SDK1: variants seen among roughly 807,000 people sequenced by gnomAD.
SDK1 encodes protein sidekick-1.
In SDK1, 157 loss-of-function variants were observed where a neutral mutation model predicts 245.5. The observed-to-expected ratio is 0.64, with a 90% confidence interval of 0.56 to 0.73. The LOEUF is 0.73. Ranked by LOEUF, SDK1 falls within the 30% of genes least tolerant of loss-of-function variation. The pLI is 0.00. For synonymous variants in SDK1, 1,647 were observed against 1,278.5 expected (o/e 1.29, Z -6.15); for missense variants, 3,583 against 3,002.3 (o/e 1.19, Z -4.52).
At chr7:3,398,407 G>A (rs1489698157) in intron 1 of SDK1, among the ~76,000 whole-genome samples, 1 of 151,958 alleles carries the variant, frequency 6.6e-6, no homozygotes, top group Non-Finnish European at 1.5e-5. Context: ...CTTCAGAAGA[G>A]TTTCTTAGCA....
At chr7:3,480,185 A>G (rs1192274518) in intron 1 of SDK1, among the ~76,000 whole-genome samples, 2 of 152,214 alleles carry the variant, frequency 1.3e-5, no homozygotes. Flanking sequence ...AATGTGAAAG[A>G]AGTAGGCAGA....
chr7:3,594,336 G>T (rs759421732), intron 1 of SDK1, among the ~76,000 whole-genome samples: 7 of 152,124 alleles, frequency 4.6e-5, no homozygotes, highest in Non-Finnish European at 1.0e-4. Context: ...ACCACATATT[G>T]CTTATCCATT....
chr7:3,532,370 T>C (rs1033146740), intron 1 of SDK1, among the ~76,000 whole-genome samples: 4 of 152,198 alleles, frequency 2.6e-5, no homozygotes, highest in Non-Finnish European at 4.4e-5. Context: ...GGCATTCACA[T>C]CTTCCCACTT....
At chr7:3,426,919 A>G (rs1053291861) in intron 1 of SDK1, among the ~76,000 whole-genome samples, 1 of 152,244 alleles carries the variant, frequency 6.6e-6, no homozygotes, top group Non-Finnish European at 1.5e-5. Context: ...CATTAAAGGC[A>G]TGCAGAGTTC....
intron 1 of SDK1, among the ~76,000 whole-genome samples, chr7:3,555,605 G>A (rs1779563891): frequency 1.3e-5 from 2 of 152,094 alleles, no homozygotes; most frequent in East Asian, 3.8e-4. Context: ...CTTCTGCACA[G>A]CAAAGGAAAA....
At chr7:3,914,815 C>A (rs1180569237) in intron 5 of SDK1, among the ~76,000 whole-genome samples, 1 of 152,160 alleles carries the variant, frequency 6.6e-6, no homozygotes, top group Admixed American at 6.5e-5. Flanking sequence ...GGTCAATTTG[C>A]TTGCTTTTTT....
At chr7:3,912,501 G>T (rs530846348) in intron 5 of SDK1, among the ~76,000 whole-genome samples, 1 of 152,346 alleles carries the variant, frequency 6.6e-6, no homozygotes, top group Non-Finnish European at 1.5e-5. Context: ...AGAAAGGCCA[G>T]TGAGAGGCTT....
intron 31 of SDK1, 68 bp from the exon 32 acceptor site, chr7:4,161,718 G>A (rs1209805197): frequency 3.0e-5 from 39 of 1,281,586 alleles, no homozygotes; most frequent in Non-Finnish European, 4.2e-5. Context: ...CACTGAGGGT[G>A]GCCCTGGGAA....
chr7:3,984,320 A>G (rs908149109), intron 13 of SDK1, among the ~76,000 whole-genome samples: 2 of 152,194 alleles, frequency 1.3e-5, no homozygotes, highest in Admixed American at 1.3e-4. Flanking sequence ...TGCAGCCTCA[A>G]GAGAAAGGCA....
intron 4 of SDK1, among the ~76,000 whole-genome samples, chr7:3,658,334 A>T (rs1189377775): frequency 6.6e-6 from 1 of 152,158 alleles, no homozygotes; most frequent in African/African-American, 2.4e-5. Flanking sequence ...TATCGAGGTC[A>T]TCCTTCATTT....
intron 22 of SDK1, among the ~76,000 whole-genome samples, chr7:4,086,439 T>C (rs148671461): frequency 0.017 from 2,544 of 152,132 alleles, 63 homozygotes; most frequent in African/African-American, 0.05. Flanking sequence ...GCTTCCAGGG[T>C]CATTCGGGTT....
In SDK1 at chr7:3,644,597, C is replaced by G. The variant is rs75809963; in HGVS notation, c.713+2492C>G. ...TGGGCAACATACTGAAACCTTATCTCTACTGAAAATTAAAAAAAAATAGCT... is the reference window on the plus strand; with the variant it reads ...TGGGCAACATACTGAAACCTTATCTGTACTGAAAATTAAAAAAAAATAGCT... On this transcript the variant is annotated intron_variant, in intron 4 of 44. Coordinates refer to ENST00000404826, the MANE Select transcript of SDK1 (RefSeq NM_152744.4). Among the ~76,000 whole-genome samples the G allele has an allele frequency of 5.1e-3, 777 of 150,896 alleles. 5 individuals carry two copies. Among genetic ancestry groups the G allele is most frequent in the African/African-American group, 0.018 (746 of 41,126 alleles).
chr7:4,110,033 A>C (rs545453521), intron 22 of SDK1, among the ~76,000 whole-genome samples: 2 of 152,182 alleles, frequency 1.3e-5, no homozygotes, highest in South Asian at 4.2e-4. Context: ...TGTTGAAGGG[A>C]GTGGCTCTTC....
chr7:3,638,510 C>T (rs980559176), intron 2 of SDK1, among the ~76,000 whole-genome samples: 1 of 151,436 alleles, frequency 6.6e-6, no homozygotes, highest in African/African-American at 2.4e-5. Flanking sequence ...TGGAAACCAT[C>T]ATTCTCAGCA....
intron 1 of SDK1, among the ~76,000 whole-genome samples, chr7:3,539,465 T>A (rs1778990432): frequency 6.6e-6 from 1 of 151,942 alleles, no homozygotes; most frequent in African/African-American, 2.4e-5. Context: ...CAGAAGAGGG[T>A]TTCTTGAGGA....
intron 1 of SDK1, among the ~76,000 whole-genome samples, chr7:3,582,743 C>T (rs967255963): frequency 3.6e-5 from 5 of 137,270 alleles, no homozygotes; most frequent in Non-Finnish European, 7.8e-5. Flanking sequence ...ACTTCAGGGA[C>T]TTAATTCCTC....
intron 17 of SDK1, among the ~76,000 whole-genome samples, chr7:4,035,917 C>T (rs56239155): frequency 0.017 from 2,557 of 152,232 alleles, 70 homozygotes; most frequent in African/African-American, 0.059. Context: ...ATAATAACTG[C>T]AATGGACTGA....
At chr7:4,223,279 A>C (rs1295447155) in intron 40 of SDK1, among the ~76,000 whole-genome samples, 1 of 152,202 alleles carries the variant, frequency 6.6e-6, no homozygotes, top group Non-Finnish European at 1.5e-5. Context: ...CTGACCTCTA[A>C]CTAGAATTTG....
chr7:3,973,066 G>C lies in SDK1; in HGVS notation c.1818-1303G>C, dbSNP rs573771156. On this transcript the variant is annotated intron_variant, in intron 12 of 44. Coordinates refer to ENST00000404826, the MANE Select transcript of SDK1 (RefSeq NM_152744.4). ...CTCGGATCCCTGTGGTTTCGTAGTA[G>C]CTTGTTATATGTGATTAAATTGGAG... Among the ~76,000 whole-genome samples, 20 of 152,252 alleles carry C rather than the reference G, an allele frequency of 1.3e-4. No individual in the cohort carries two copies. In the South Asian group the frequency reaches 3.5e-3, roughly 27 times the overall value.
Sources: allele counts gnomAD v4.1 joint callset (sites outside exome capture counted in the v4.1 genomes callset), GRCh38; gene constraint gnomAD v4.1.1; transcripts MANE v1.5; gene names NCBI Gene and HGNC (gene_info 2026-07-23, HGNC 2026-07-21).